Variants in LRMDA observed in about 807,000 individuals in gnomAD.
LRMDA encodes leucine rich melanocyte differentiation associated, also known as leucine-rich melanocyte differentiation-associated protein.
In LRMDA, 18 loss-of-function variants were observed where a neutral mutation model predicts 29.8. The ratio of observed to expected loss-of-function variants is 0.60; its 90% CI spans 0.42 to 0.90. The LOEUF (loss-of-function observed/expected upper bound fraction) is 0.90. Ranked by LOEUF, LRMDA falls within the 40% of genes least tolerant of loss-of-function variation. LRMDA has a pLI of 0.00. For missense variants in LRMDA, 273 were observed against 273.9 expected, an observed-to-expected ratio of 1.00 and a Z score of 0.02; for synonymous variants, 125 against 109.4, an observed-to-expected ratio of 1.14 and a Z score of -0.89.
intron 2 of LRMDA, among the ~76,000 whole-genome samples, chr10:75,474,985 T>C (rs541240217): frequency 6.6e-5 from 10 of 152,310 alleles, no homozygotes; most frequent in African/African-American, 1.7e-4. Flanking sequence ...TCTGTGTTCA[T>C]TGAAGGTGGA....
chr10:76,494,997 T>TA (rs1294548530), intron 6 of LRMDA, among the ~76,000 whole-genome samples: 1 of 151,888 alleles, frequency 6.6e-6, no homozygotes, highest in African/African-American at 2.4e-5. Flanking sequence ...AGCAAATTTT[T>TA]AAAAAAATTT....
intron 2 of LRMDA, among the ~76,000 whole-genome samples, chr10:75,714,511 T>C (rs951140023): frequency 6.6e-6 from 1 of 152,244 alleles, no homozygotes; most frequent in African/African-American, 2.4e-5. Context: ...TTACTAAAGC[T>C]GGCTCATACA....
intron 2 of LRMDA, among the ~76,000 whole-genome samples, chr10:75,533,487 T>C (rs1446399935): frequency 3.3e-5 from 5 of 152,146 alleles, no homozygotes; most frequent in African/African-American, 1.2e-4. Flanking sequence ...ATAAATGAGT[T>C]TTTATGGGTC....
chr10:76,531,101 C>A (rs1182417732), intron 6 of LRMDA, among the ~76,000 whole-genome samples: 2 of 152,172 alleles, frequency 1.3e-5, no homozygotes, highest in African/African-American at 4.8e-5. Flanking sequence ...CCACCCCTAC[C>A]CCGCCACTGT....
At chr10:75,936,753 A>G (rs1589259253) in intron 2 of LRMDA, among the ~76,000 whole-genome samples, 1 of 152,128 alleles carries the variant, frequency 6.6e-6, no homozygotes, top group East Asian at 1.9e-4. Context: ...TCTCTTTTAT[A>G]AGGGCACTAA....
intron 6 of LRMDA, among the ~76,000 whole-genome samples, chr10:76,365,625 G>A (rs1177683521): frequency 3.9e-5 from 6 of 152,008 alleles, no homozygotes; most frequent in African/African-American, 7.2e-5. Context: ...GTTTGAGTTC[G>A]TTGTAGATTC....
chr10:75,928,073 C>T (rs1340903784), intron 2 of LRMDA, among the ~76,000 whole-genome samples: 2 of 122,844 alleles, frequency 1.6e-5, no homozygotes, highest in African/African-American at 5.3e-5. Context: ...TCATCATCAT[C>T]ATCATCATCT....
intron 4 of LRMDA, among the ~76,000 whole-genome samples, chr10:76,055,243 G>A (rs1848595825): frequency 6.6e-6 from 1 of 152,072 alleles, no homozygotes; most frequent in African/African-American, 2.4e-5. Context: ...GGAGGAAACA[G>A]GAAGTAGCCA....
chr10:75,957,590 C>T (rs191042706), intron 2 of LRMDA, among the ~76,000 whole-genome samples: 78 of 152,242 alleles, frequency 5.1e-4, no homozygotes, highest in African/African-American at 1.7e-3. Context: ...CTTCCTTGCC[C>T]CAGTACAGTT....
chr10:76,528,118 A>G (rs1843197495), intron 6 of LRMDA, among the ~76,000 whole-genome samples: 2 of 152,164 alleles, frequency 1.3e-5, no homozygotes, highest in African/African-American at 4.8e-5. Context: ...TTTGAAAAGC[A>G]TTTTGGCCCT....
At chr10:76,151,209 G>A (rs933239256) in intron 5 of LRMDA, among the ~76,000 whole-genome samples, 10 of 152,140 alleles carry the variant, frequency 6.6e-5, no homozygotes, top group African/African-American at 1.4e-4. Context: ...ACACCCTCCA[G>A]TAGGATCCTG....
At chr10:76,149,520 G>A (rs1361147650) in intron 5 of LRMDA, among the ~76,000 whole-genome samples, 1 of 152,022 alleles carries the variant, frequency 6.6e-6, no homozygotes, top group African/African-American at 2.4e-5. Flanking sequence ...CATTCTTTTG[G>A]GTGTTTCTTT....
At chr10:75,661,660 A>G (rs969642544) in intron 2 of LRMDA, among the ~76,000 whole-genome samples, 1 of 152,084 alleles carries the variant, frequency 6.6e-6, no homozygotes, top group Non-Finnish European at 1.5e-5. Context: ...TTGGAAGGTA[A>G]TTTTCAGGCA....
At chr10:76,302,958 A>G (rs1002301153) in intron 5 of LRMDA, among the ~76,000 whole-genome samples, 4 of 152,216 alleles carry the variant, frequency 2.6e-5, no homozygotes, top group East Asian at 1.9e-4. Flanking sequence ...AAAATCCCCA[A>G]TCTCCTTTTG....
chr10:76,262,341 C>A (rs1050171383), intron 5 of LRMDA, among the ~76,000 whole-genome samples: 3 of 152,222 alleles, frequency 2.0e-5, no homozygotes, highest in African/African-American at 7.2e-5. Flanking sequence ...CTCATACTCC[C>A]AGCCTGCTCC....
intron 2 of LRMDA, among the ~76,000 whole-genome samples, chr10:75,790,236 C>T (rs1250611388): frequency 6.6e-6 from 1 of 152,112 alleles, no homozygotes; most frequent in Non-Finnish European, 1.5e-5. Flanking sequence ...AGTTGCATGG[C>T]CTTCCTCAAG....
intron 2 of LRMDA, among the ~76,000 whole-genome samples, chr10:75,593,431 T>A (rs1840746986): frequency 6.6e-6 from 1 of 152,252 alleles, no homozygotes; most frequent in South Asian, 2.1e-4. Flanking sequence ...GTTATACCTT[T>A]GTGGGGCTGC....
At chr10:75,854,700 T>C (rs924388711) in intron 2 of LRMDA, among the ~76,000 whole-genome samples, 6 of 152,226 alleles carry the variant, frequency 3.9e-5, no homozygotes, top group Middle Eastern at 6.8e-3. Flanking sequence ...GTATATCTCC[T>C]AATGCTATCC....
chr10:76,290,384 T>C (rs1840324253), intron 5 of LRMDA, among the ~76,000 whole-genome samples: 1 of 151,522 alleles, frequency 6.6e-6, no homozygotes, highest in Non-Finnish European at 1.5e-5. Flanking sequence ...ATCTTATAAG[T>C]AACTGTACAA....
Sources: allele counts gnomAD v4.1 joint callset (sites outside exome capture counted in the v4.1 genomes callset), GRCh38; gene constraint gnomAD v4.1.1; transcripts MANE v1.5; gene names NCBI Gene and HGNC (gene_info 2026-07-23, HGNC 2026-07-21).